The following SULT2B1 variants were observed in gnomAD, a reference collection of about 807,000 sequenced individuals.
SULT2B1 encodes sulfotransferase family 2B member 1.
SULT2B1 carries 16 observed loss-of-function variants against 33.2 expected under a neutral mutation model. That is an observed-to-expected ratio of 0.48 (90% CI 0.33 to 0.73). SULT2B1 has a LOEUF of 0.73. SULT2B1 is among the 30% of genes least tolerant of loss of function. The pLI, the probability that SULT2B1 is intolerant of heterozygous loss-of-function variation, is 0.02. For synonymous variants in SULT2B1, 186 were observed against 200.5 expected (o/e 0.93, Z 0.61); for missense variants, 500 against 506.0 (o/e 0.99, Z 0.11).
chr19:48,574,435 CATTT>C (rs1177781340), intron 1 of SULT2B1, among the ~76,000 whole-genome samples: 1 of 152,236 alleles, frequency 6.6e-6, no homozygotes, highest in Non-Finnish European at 1.5e-5. Context: ...CCTATTCATT[CATTT>C]ATTCCTTCAG....
chr19:48,558,654 T>G (rs1973134960), intron 1 of SULT2B1, among the ~76,000 whole-genome samples: 1 of 151,178 alleles, frequency 6.6e-6, no homozygotes, highest in Admixed American at 6.6e-5. Context: ...GTCATGAGGC[T>G]GCTTTTTCTT....
At chr19:48,593,306 C>G (rs753987757) in intron 5 of SULT2B1, among the ~76,000 whole-genome samples, 1 of 152,070 alleles carries the variant, frequency 6.6e-6, no homozygotes, top group Non-Finnish European at 1.5e-5. Flanking sequence ...AATCCCAGCA[C>G]TTTGGGAGCC....
intron 1 of SULT2B1, among the ~76,000 whole-genome samples, chr19:48,574,480 G>C (rs1232461206): frequency 6.6e-6 from 1 of 152,160 alleles, no homozygotes. Context: ...GTCTTTTCTT[G>C]TTGGCATCTG....
At chr19:48,564,231 C>T (rs1409033807) in intron 1 of SULT2B1, among the ~76,000 whole-genome samples, 1 of 149,846 alleles carries the variant, frequency 6.7e-6, no homozygotes, top group Non-Finnish European at 1.5e-5. Context: ...GGCGACAGAG[C>T]AAGACTCTGT....
chr19:48,577,371 T>TA (rs1420255577), intron 2 of SULT2B1, among the ~76,000 whole-genome samples: 7 of 122,722 alleles, frequency 5.7e-5, no homozygotes, highest in Admixed American at 8.6e-5. Flanking sequence ...TTTTTTTTTT[T>TA]TTTTTTTTTT....
chr19:48,581,894 T>C (rs1255826227), intron 2 of SULT2B1, among the ~76,000 whole-genome samples: 10 of 21,882 alleles, frequency 4.6e-4, no homozygotes, highest in South Asian at 2.8e-3. Context: ...ATTATTATAT[T>C]ATTATTATTA....
At chr19:48,567,476 C>T (rs1601091898) in intron 1 of SULT2B1, among the ~76,000 whole-genome samples, 1 of 152,020 alleles carries the variant, frequency 6.6e-6, no homozygotes, top group Admixed American at 6.6e-5. Context: ...GCAGGAGAAT[C>T]GCTTGAACCC....
intron 2 of SULT2B1, among the ~76,000 whole-genome samples, chr19:48,579,404 TC>T (rs1290615539): frequency 6.7e-6 from 1 of 150,264 alleles, no homozygotes; most frequent in African/African-American, 2.5e-5. Context: ...TGCCTCAGCC[TC>T]CCAATTAGCT....
rs779687524 is a variant in SULT2B1 at position 48,552,264 on chromosome 19, C to T, written c.12C>T (p.Pro4=). MDG[P]AEPQIPGLWD... ...CTCACCCACCTGCCATGGACGGGCC[C>T]GCCGAGCCCCAGATCCCGGGCTTGT... is the stretch of plus-strand genomic sequence containing the variant. Residue 4 remains proline (P), a synonymous_variant, in exon 1 of 7, where the codon CCC becomes CCT. Coordinates refer to ENST00000201586, the MANE Select transcript of SULT2B1 (RefSeq NM_177973.2). The surrounding 1 kb of genome is among the most constrained non-coding windows in gnomAD (Gnocchi z 4.8). The T allele has an allele frequency of 1.7e-4, 278 of 1,613,850 alleles. No individual in the cohort carries two copies. The highest frequency in any genetic ancestry group is 2.5e-4 in the East Asian group (11 of 44,868).
At chr19:48,598,739 G>A (rs1356374931) in intron 6 of SULT2B1, among the ~76,000 whole-genome samples, 1 of 152,074 alleles carries the variant, frequency 6.6e-6, no homozygotes, top group African/African-American at 2.4e-5. Flanking sequence ...GAGCGTTGTG[G>A]GGGCATTGAG....
chr19:48,598,485 G>C (rs749314801), intron 6 of SULT2B1, among the ~76,000 whole-genome samples: 1 of 152,054 alleles, frequency 6.6e-6, no homozygotes, highest in East Asian at 1.9e-4. Context: ...CCAGTTACTC[G>C]GGAGGCTGAG....
chr19:48,596,425 C>G (rs1405201661), intron 5 of SULT2B1: 3 of 177,880 alleles, frequency 1.7e-5, no homozygotes, highest in African/African-American at 2.7e-5. Context: ...CGGATGTGAC[C>G]TCTGCCCCCC....
In SULT2B1 at chr19:48,576,359, C is replaced by CTTTTCTTTCTTT; in HGVS notation, c.214+280_214+281insCTTTCTTTTTTT. Among the ~76,000 whole-genome samples, 27 of 96,706 alleles carry CTTTTCTTTCTTT rather than the reference C, an allele frequency of 2.8e-4. 3 individuals carry two copies. The highest frequency in any genetic ancestry group is 4.3e-4 in the African/African-American group (10 of 23,304). The allele number at this position is 96,706 out of a possible 152,430, so 63.4% of individuals were successfully genotyped here. A position where few individuals can be genotyped will look rare whatever the true frequency, so the allele number is the denominator to read the frequency against. ...CCTTTCCCCTTTACCCTCTACTTCT[C>CTTTTCTTTCTTT]TTTTTTTTTTTTTTTTTTGTAGAGA... On this transcript the variant is annotated intron_variant, in intron 2 of 6. Coordinates refer to ENST00000201586, the MANE Select transcript of SULT2B1 (RefSeq NM_177973.2).
At chr19:48,553,082 C>A (rs1420897080) in intron 1 of SULT2B1, among the ~76,000 whole-genome samples, 2 of 152,076 alleles carry the variant, frequency 1.3e-5, no homozygotes, top group Non-Finnish European at 2.9e-5. Flanking sequence ...CCCTTTACAC[C>A]CCTCCCCGTG....
At chr19:48,596,416 G>A (rs1392731622) in intron 5 of SULT2B1, 2 of 175,494 alleles carry the variant, frequency 1.1e-5, no homozygotes, top group Non-Finnish European at 2.2e-5. Context: ...CTCTGCCCCC[G>A]GATGTGACCT....
intron 2 of SULT2B1, among the ~76,000 whole-genome samples, chr19:48,579,630 A>G (rs1463339241): frequency 1.6e-3 from 45 of 28,866 alleles, no homozygotes; most frequent in South Asian, 3.4e-3. Context: ...TTTTGAGACG[A>G]AGTCTCGCTC....
intron 5 of SULT2B1, among the ~76,000 whole-genome samples, chr19:48,595,320 G>T (rs567543257): frequency 6.6e-6 from 1 of 151,772 alleles, no homozygotes; most frequent in South Asian, 2.1e-4. Context: ...GAGGACTAAG[G>T]GCTCCAGGGA....
chr19:48,559,227 T>C (rs1397175630), intron 1 of SULT2B1, among the ~76,000 whole-genome samples: 2 of 152,116 alleles, frequency 1.3e-5, no homozygotes, highest in Admixed American at 6.6e-5. Context: ...GGATGCGTTT[T>C]CCTTTCCACT....
At chr19:48,565,618 G>A (rs2544803) in intron 1 of SULT2B1, among the ~76,000 whole-genome samples, 1,821 of 152,156 alleles carry the variant, frequency 0.012, 37 homozygotes, top group African/African-American at 0.042. Context: ...GACCTCTGGT[G>A]ATCTGCCTGC....
Sources: allele counts gnomAD v4.1 joint callset (sites outside exome capture counted in the v4.1 genomes callset), GRCh38; gene constraint gnomAD v4.1.1; non-coding constraint Gnocchi (gnomAD v3.1); transcripts MANE v1.5; gene names NCBI Gene and HGNC (gene_info 2026-07-23, HGNC 2026-07-21).